The following MARCHF1 variants were observed in gnomAD, a reference collection of about 807,000 sequenced individuals.
MARCHF1 encodes the protein membrane associated ring-CH-type finger 1.
Under a neutral mutation model 54.2 loss-of-function variants are expected in MARCHF1, and 40 were observed. That is an observed-to-expected ratio of 0.74 (90% CI 0.57 to 0.96). MARCHF1 has a LOEUF of 0.96. MARCHF1 is among the 40% of genes least tolerant of loss of function. The pLI, the probability that MARCHF1 is intolerant of heterozygous loss-of-function variation, is 0.00. For synonymous variants in MARCHF1, 236 were observed against 236.3 expected (o/e 1.00, Z 0.01); for missense variants, 586 against 656.5 (o/e 0.89, Z 1.17).
At chr4:163,630,402 C>G (rs142390846) in intron 5 of MARCHF1, among the ~76,000 whole-genome samples, 1 of 152,082 alleles carries the variant, frequency 6.6e-6, no homozygotes, top group East Asian at 1.9e-4. Flanking sequence ...AGCAGATTAG[C>G]GGTTGCTGAG....
chr4:164,150,114 A>G (rs1051725640), intron 1 of MARCHF1, among the ~76,000 whole-genome samples: 2 of 152,204 alleles, frequency 1.3e-5, no homozygotes, highest in African/African-American at 4.8e-5. Flanking sequence ...TGTGCACACA[A>G]TTAGAAAGTG....
At chr4:164,019,839 C>A (rs1421353197) in intron 2 of MARCHF1, among the ~76,000 whole-genome samples, 1 of 152,134 alleles carries the variant, frequency 6.6e-6, no homozygotes, top group African/African-American at 2.4e-5. Flanking sequence ...GAAGACAAAG[C>A]CTGAGGCCTA....
chr4:163,883,094 T>C (rs1044719178), intron 3 of MARCHF1, among the ~76,000 whole-genome samples: 14 of 152,202 alleles, frequency 9.2e-5, no homozygotes, highest in African/African-American at 3.1e-4. Flanking sequence ...TGTCTCATAC[T>C]GTGGCTTATG....
At chr4:164,295,259 G>T (rs1734380574) in intron 1 of MARCHF1, among the ~76,000 whole-genome samples, 1 of 152,152 alleles carries the variant, frequency 6.6e-6, no homozygotes, top group South Asian at 2.1e-4. Context: ...TTTTTCTCCT[G>T]GCACAGGAAG....
chr4:164,360,881 GTACTATTTCTA>G (rs770128521), intron 1 of MARCHF1, among the ~76,000 whole-genome samples: 3 of 151,930 alleles, frequency 2.0e-5, no homozygotes, highest in Non-Finnish European at 4.4e-5. Context: ...TAAACTATAG[GTACTATTTCTA>G]TACTATTTCT....
intron 2 of MARCHF1, among the ~76,000 whole-genome samples, chr4:164,085,723 G>A (rs1755179607): frequency 6.6e-6 from 1 of 151,708 alleles, no homozygotes; most frequent in Non-Finnish European, 1.5e-5. Flanking sequence ...GAAGTCTCAA[G>A]GGCAAATATT....
intron 4 of MARCHF1, among the ~76,000 whole-genome samples, chr4:163,809,878 T>C (rs1461072800): frequency 6.6e-6 from 1 of 152,152 alleles, no homozygotes; most frequent in East Asian, 1.9e-4. Flanking sequence ...ATATTATAGA[T>C]TTTTAATGAG....
At chr4:163,719,858 G>T (rs569167071) in intron 4 of MARCHF1, among the ~76,000 whole-genome samples, 2 of 152,050 alleles carry the variant, frequency 1.3e-5, no homozygotes, top group Non-Finnish European at 2.9e-5. Context: ...CATATTCTTC[G>T]CCCGCTTGTT....
chr4:163,622,976 C>G (rs1275059469), intron 5 of MARCHF1, among the ~76,000 whole-genome samples: 1 of 152,050 alleles, frequency 6.6e-6, no homozygotes, highest in African/African-American at 2.4e-5. Context: ...ATGCAGAGGA[C>G]AAGCTCAGCC....
intron 3 of MARCHF1, among the ~76,000 whole-genome samples, chr4:163,984,746 C>T (rs370118270): frequency 2.0e-5 from 3 of 151,996 alleles, no homozygotes; most frequent in African/African-American, 2.4e-5. Flanking sequence ...ACCCAAATCT[C>T]GAATGTGAAT....
At chr4:163,585,665 T>A (rs1178681595) in intron 8 of MARCHF1, 84 bp downstream of exon 8, 8 of 1,109,028 alleles carry the variant, frequency 7.2e-6, no homozygotes, top group Non-Finnish European at 1.0e-5. Context: ...ATTAGGAGAA[T>A]CGTATTGGCA....
At chr4:163,756,513 G>A (rs1746673222) in intron 4 of MARCHF1, among the ~76,000 whole-genome samples, 1 of 151,116 alleles carries the variant, frequency 6.6e-6, no homozygotes, top group Non-Finnish European at 1.5e-5. Context: ...CGTGCCTGTA[G>A]TCCCAGCTAC....
chr4:164,046,758 G>C (rs551233836), intron 2 of MARCHF1, among the ~76,000 whole-genome samples: 5 of 152,144 alleles, frequency 3.3e-5, no homozygotes, highest in African/African-American at 9.7e-5. Context: ...GAGGCTTAGT[G>C]AAAGAAACTG....
intron 1 of MARCHF1, among the ~76,000 whole-genome samples, chr4:164,357,752 G>A (rs2110913812): frequency 6.6e-6 from 1 of 152,278 alleles, no homozygotes; most frequent in East Asian, 1.9e-4. Flanking sequence ...GTACTGAAGT[G>A]TCAATTGATA....
At chr4:163,797,696 T>C (rs2110961225) in intron 4 of MARCHF1, among the ~76,000 whole-genome samples, 1 of 152,238 alleles carries the variant, frequency 6.6e-6, no homozygotes, top group East Asian at 1.9e-4. Flanking sequence ...ATTTATTATT[T>C]TTATTTATTT....
intron 2 of MARCHF1, among the ~76,000 whole-genome samples, chr4:164,039,267 A>C (rs897251863): frequency 1.3e-5 from 2 of 152,220 alleles, no homozygotes; most frequent in Non-Finnish European, 2.9e-5. Flanking sequence ...TAGGAACCAC[A>C]GGCTTGGTGT....
intron 1 of MARCHF1, among the ~76,000 whole-genome samples, chr4:164,160,877 T>A (rs1364947300): frequency 6.6e-6 from 1 of 152,154 alleles, no homozygotes; most frequent in Non-Finnish European, 1.5e-5. Context: ...TTAGAAGACA[T>A]GAAATCTCAG....
chr4:164,209,240 A>T (rs1731698165), intron 1 of MARCHF1, among the ~76,000 whole-genome samples: 1 of 152,162 alleles, frequency 6.6e-6, no homozygotes, highest in Non-Finnish European at 1.5e-5. Context: ...TGATCAGAAG[A>T]ATCTCCTCCA....
intron 9 of MARCHF1, among the ~76,000 whole-genome samples, chr4:163,537,023 C>A (rs1738559316): frequency 6.6e-6 from 1 of 152,122 alleles, no homozygotes; most frequent in African/African-American, 2.4e-5. Context: ...TGCTTGCCTT[C>A]ATACAAACTT....
Sources: gnomAD v4.1 joint callset for allele counts (sites outside exome capture counted in the v4.1 genomes callset) on GRCh38, gnomAD v4.1.1 for gene constraint, MANE v1.5 for transcripts, NCBI Gene and HGNC (gene_info 2026-07-23, HGNC 2026-07-21) for gene names.